The following BICC1 variants were observed in gnomAD, a reference collection of about 807,000 sequenced individuals.
BICC1 encodes protein bicaudal C homolog 1.
BICC1 carries 43 observed loss-of-function variants against 111.0 expected under a neutral mutation model. The observed-to-expected ratio is 0.39, with a 90% CI of 0.30 to 0.50. BICC1 has a LOEUF of 0.50. BICC1 is among the 20% of genes least tolerant of loss of function. The pLI is 0.88. For missense variants in BICC1, 1,091 were observed against 1,203.2 expected, an observed-to-expected ratio of 0.91 and a Z score of 1.38; for synonymous variants, 467 against 434.4, an observed-to-expected ratio of 1.07 and a Z score of -0.93.
At chr10:58,799,634 C>T (rs1843474140) in intron 12 of BICC1, among the ~76,000 whole-genome samples, 1 of 151,950 alleles carries the variant, frequency 6.6e-6, no homozygotes, top group African/African-American at 2.4e-5. Context: ...ATTGTCGACT[C>T]TATTGAAGAT....
At chr10:58,685,838 T>C (rs1839705709) in intron 2 of BICC1, among the ~76,000 whole-genome samples, 1 of 152,246 alleles carries the variant, frequency 6.6e-6, no homozygotes, top group Non-Finnish European at 1.5e-5. Flanking sequence ...TCTGTGTCTT[T>C]TAATTGGAGC....
At chr10:58,685,682 A>T (rs1839699005) in intron 2 of BICC1, among the ~76,000 whole-genome samples, 1 of 152,140 alleles carries the variant, frequency 6.6e-6, no homozygotes, top group South Asian at 2.1e-4. Context: ...ATAGACTAAG[A>T]TTGCAACCCC....
chr10:58,690,108 A>G (rs949917702), intron 2 of BICC1, among the ~76,000 whole-genome samples: 18 of 152,314 alleles, frequency 1.2e-4, no homozygotes, highest in Admixed American at 6.5e-4. Flanking sequence ...ACTCTGGGCT[A>G]TCATACAGTG....
intron 1 of BICC1, among the ~76,000 whole-genome samples, chr10:58,594,142 T>G (rs117204172): frequency 0.013 from 2,009 of 151,766 alleles, 20 homozygotes; most frequent in Middle Eastern, 0.041. Context: ...GAAGATCAAC[T>G]TAATGAAATA....
intron 1 of BICC1, among the ~76,000 whole-genome samples, chr10:58,586,715 CTACA>C (rs1844442923): frequency 6.6e-6 from 1 of 151,844 alleles, no homozygotes; most frequent in African/African-American, 2.4e-5. Flanking sequence ...ATACTACAGA[CTACA>C]TACATATACA....
At chr10:58,707,115 T>A (rs1320437388) in intron 3 of BICC1, among the ~76,000 whole-genome samples, 1 of 152,196 alleles carries the variant, frequency 6.6e-6, no homozygotes, top group Non-Finnish European at 1.5e-5. Context: ...AGTTTAGCCA[T>A]TCTCTTCCTC....
intron 2 of BICC1, among the ~76,000 whole-genome samples, chr10:58,690,711 A>T (rs77224954): frequency 3.9e-5 from 6 of 152,270 alleles, no homozygotes; most frequent in Non-Finnish European, 4.4e-5. Context: ...TATAGATCTC[A>T]GTTATTGTGC....
chr10:58,524,683 A>G (rs1195144518), intron 1 of BICC1, among the ~76,000 whole-genome samples: 1 of 151,872 alleles, frequency 6.6e-6, no homozygotes, highest in East Asian at 1.9e-4. Context: ...ACCAAAAGCA[A>G]TGGCAACAAA....
At chr10:58,689,838 G>A (rs1011163699) in intron 2 of BICC1, among the ~76,000 whole-genome samples, 4 of 152,116 alleles carry the variant, frequency 2.6e-5, no homozygotes, top group Non-Finnish European at 4.4e-5. Context: ...TGACTTTGCC[G>A]AAATTGGTCA....
chr10:58,720,622 G>A (rs1840909555), intron 3 of BICC1, among the ~76,000 whole-genome samples: 1 of 152,072 alleles, frequency 6.6e-6, no homozygotes, highest in African/African-American at 2.4e-5. Flanking sequence ...GAAGAGAGGA[G>A]ACTATTTTTT....
intron 2 of BICC1, among the ~76,000 whole-genome samples, chr10:58,700,193 G>A (rs984735628): frequency 6.6e-6 from 1 of 152,152 alleles, no homozygotes; most frequent in Non-Finnish European, 1.5e-5. Flanking sequence ...ACAGTGAGGT[G>A]GGAAAAATAA....
At chr10:58,616,247 G>A (rs1290323218) in intron 1 of BICC1, among the ~76,000 whole-genome samples, 3 of 152,236 alleles carry the variant, frequency 2.0e-5, no homozygotes, top group Non-Finnish European at 4.4e-5. Flanking sequence ...AGGGGAAGAT[G>A]CCCTGCCTGC....
At chr10:58,554,259 A>G (rs958600538) in intron 1 of BICC1, among the ~76,000 whole-genome samples, 1 of 152,124 alleles carries the variant, frequency 6.6e-6, no homozygotes, top group South Asian at 2.1e-4. Context: ...AGAGAGGACA[A>G]TTTAAGTGAT....
At chr10:58,590,744 A>G (rs1844587571) in intron 1 of BICC1, among the ~76,000 whole-genome samples, 1 of 152,180 alleles carries the variant, frequency 6.6e-6, no homozygotes, top group African/African-American at 2.4e-5. Context: ...CTCAGCATTT[A>G]AGATCCTTCC....
At chr10:58,535,888 T>TGGTTTGTGA (rs1842813221) in intron 1 of BICC1, among the ~76,000 whole-genome samples, 1 of 151,236 alleles carries the variant, frequency 6.6e-6, no homozygotes, top group Non-Finnish European at 1.5e-5. Context: ...AAAAGATATT[T>TGGTTTGTGA]CATGCAATCA....
intron 1 of BICC1, among the ~76,000 whole-genome samples, chr10:58,598,135 C>T (rs1844890026): frequency 6.6e-6 from 1 of 151,980 alleles, no homozygotes; most frequent in Non-Finnish European, 1.5e-5. Context: ...TCCCTCTATT[C>T]AGGGTCCCTG....
At chr10:58,812,795 A>G (rs1490388239) in intron 17 of BICC1, among the ~76,000 whole-genome samples, 1 of 152,106 alleles carries the variant, frequency 6.6e-6, no homozygotes. Context: ...CTTAAATTTC[A>G]ACAGAGAAAT....
chr10:58,805,566 C>T (rs1843686052), intron 15 of BICC1, among the ~76,000 whole-genome samples: 1 of 152,196 alleles, frequency 6.6e-6, no homozygotes, highest in Non-Finnish European at 1.5e-5. Context: ...GCTTTCCTGA[C>T]ACATGGCTAT....
intron 2 of BICC1, among the ~76,000 whole-genome samples, chr10:58,691,642 C>G (rs1052768205): frequency 6.6e-6 from 1 of 152,140 alleles, no homozygotes; most frequent in Non-Finnish European, 1.5e-5. Context: ...TCTGGCTGCT[C>G]TTTTAAAATG....
Sources: gnomAD v4.1 joint callset for allele counts (sites outside exome capture counted in the v4.1 genomes callset) on GRCh38, gnomAD v4.1.1 for gene constraint, MANE v1.5 for transcripts, NCBI Gene and HGNC (gene_info 2026-07-23, HGNC 2026-07-21) for gene names.